UROS: variants seen among roughly 807,000 people sequenced by gnomAD.
The protein encoded by UROS is uroporphyrinogen-III synthase.
Under a neutral mutation model 33.0 loss-of-function variants are expected in UROS, and 18 were observed. The ratio of observed to expected loss-of-function variants is 0.55; its 90% CI spans 0.38 to 0.81. The LOEUF (loss-of-function observed/expected upper bound fraction) is 0.81. Among genes scored for constraint, UROS ranks in the 30% least tolerant of loss-of-function variants. UROS has a pLI of 0.00. For missense variants in UROS, 293 were observed against 314.9 expected, an observed-to-expected ratio of 0.93 and a Z score of 0.53; for synonymous variants, 114 against 121.1, an observed-to-expected ratio of 0.94 and a Z score of 0.38.
At chr10:125,793,119 C>T (rs747285397) in intron 9 of UROS, 9 of 152,218 alleles carry the variant, frequency 5.9e-5, no homozygotes, top group Non-Finnish European at 1.2e-4. Context: ...CGCACTCAGC[C>T]CCCAGCTGCC....
intron 3 of UROS, 24 bp downstream of exon 3, chr10:125,816,153 G>C (rs749789205): frequency 1.2e-6 from 2 of 1,602,386 alleles, no homozygotes; most frequent in Non-Finnish European, 1.7e-6. Context: ...CACTAACATG[G>C]TGCTCAGTCA....
At chr10:125,797,312 G>C (rs1418056298) in intron 7 of UROS, among the ~76,000 whole-genome samples, 3 of 152,182 alleles carry the variant, frequency 2.0e-5, no homozygotes, top group Non-Finnish European at 4.4e-5. Context: ...CATGCTACAT[G>C]ATCTCTGAAC....
intron 9 of UROS, chr10:125,793,062 G>A (rs1268607048): frequency 2.0e-5 from 3 of 152,272 alleles, no homozygotes; most frequent in African/African-American, 7.2e-5. Flanking sequence ...TCCTCAGAGT[G>A]TCTGGAGGGC....
At chr10:125,801,338 T>C (rs1163433712) in intron 6 of UROS, among the ~76,000 whole-genome samples, 1 of 152,242 alleles carries the variant, frequency 6.6e-6, no homozygotes, top group East Asian at 1.9e-4. Flanking sequence ...GTAATTACTT[T>C]CCCATTAGAG....
chr10:125,794,975 C>A lies in UROS; in HGVS notation c.565G>T (p.Val189Phe). ...CTAAAAAATGTGATGCTGGCTGGAA[C>A]CCCCTGTGGGGAACAGAAAACAAGA... ...NLNSYYSQQG[V>F]PASITFFSPS... The change falls in exon 9 of 10, where the codon GTT (valine) becomes TTT (phenylalanine). Residue 189 changes from valine (V) to phenylalanine (F), a missense_variant. Physicochemically the swap from Val to Phe is conservative, Grantham distance 50. Transcript: ENST00000368797. The A allele has an allele frequency of 6.2e-7, 1 of 1,613,840 alleles. No individual in the cohort carries two copies. The highest frequency in any genetic ancestry group is 8.5e-7 in the Non-Finnish European group (1 of 1,179,746).
At position 125,789,009 on chromosome 10, in the gene UROS, T is replaced by C; in HGVS notation, c.661-4A>G. The stretch of plus-strand genomic sequence containing the variant: ...TAGTGGGGCCGATGGCTGCAAACTA[T>C]AAAGACAGAAGAGAAAACAGGGCTT... On this transcript the variant is annotated splice_polypyrimidine_tract_variant and splice_region_variant and intron_variant, in intron 9 of 9. Transcript: ENST00000368797. 6.2e-7 allele frequency: 1 copy of C among 1,612,754 alleles called. No individual in the cohort carries two copies. Among genetic ancestry groups the C allele is most frequent in the Non-Finnish European group, 8.5e-7 (1 of 1,179,942 alleles).
intron 7 of UROS, chr10:125,796,878 A>C: frequency 1.0e-6 from 1 of 985,156 alleles, no homozygotes; most frequent in Admixed American, 6.1e-5. Context: ...ATAAAATGGG[A>C]AACTCTCTCA....
chr10:125,790,156 G>GCAGAGGCC, intron 9 of UROS, among the ~76,000 whole-genome samples: 1 of 152,282 alleles, frequency 6.6e-6, no homozygotes, highest in East Asian at 1.9e-4. Flanking sequence ...CCACTGTCCT[G>GCAGAGGCC]CAGAGGCCCC....
chr10:125,820,037 C>T (rs1281857802), intron 1 of UROS, among the ~76,000 whole-genome samples: 2 of 152,140 alleles, frequency 1.3e-5, no homozygotes, highest in African/African-American at 2.4e-5. Flanking sequence ...AACCTCAAAC[C>T]CGTACCTTCT....
intron 9 of UROS, chr10:125,792,512 T>C (rs970346392): frequency 6.6e-6 from 1 of 152,124 alleles, no homozygotes; most frequent in Non-Finnish European, 1.5e-5. Flanking sequence ...TGCAAGGGCA[T>C]TTTGCTGTAC....
At chr10:125,802,785 C>T in intron 6 of UROS, 10 of 1,432,578 alleles carry the variant, frequency 7.0e-6, no homozygotes, top group Admixed American at 2.8e-5. Flanking sequence ...GAACTCCCAG[C>T]GGTACAGACT....
At chr10:125,799,940 G>C (rs1851683576) in intron 6 of UROS, among the ~76,000 whole-genome samples, 1 of 152,142 alleles carries the variant, frequency 6.6e-6, no homozygotes. Context: ...GCCCCAACAG[G>C]CCAATGGGAT....
At chr10:125,790,213 A>T (rs1426816481) in intron 9 of UROS, among the ~76,000 whole-genome samples, 2 of 152,188 alleles carry the variant, frequency 1.3e-5, no homozygotes, top group Admixed American at 1.3e-4. Flanking sequence ...CCCATTGCTT[A>T]GGAAACTCCC....
downstream of UROS, among the ~76,000 whole-genome samples, chr10:125,788,274 T>C (rs1850689613): frequency 6.6e-6 from 1 of 152,188 alleles, no homozygotes; most frequent in Admixed American, 6.5e-5. Flanking sequence ...CATTTGCACA[T>C]GAACCTCTTC....
At chr10:125,803,015 A>G in intron 6 of UROS, 1 of 1,612,924 alleles carries the variant, frequency 6.2e-7, no homozygotes, top group Non-Finnish European at 8.5e-7. Flanking sequence ...GATTCCTTTG[A>G]CTTCTTCACC....
intron 5 of UROS, among the ~76,000 whole-genome samples, chr10:125,810,594 G>C (rs907379774): frequency 2.0e-5 from 3 of 152,126 alleles, no homozygotes; most frequent in African/African-American, 7.2e-5. Flanking sequence ...GTAAGTTTTG[G>C]GGTAATTTGG....
At position 125,823,118 on chromosome 10, in the gene UROS, G is replaced by A. The variant is rs1483941033; in HGVS notation, c.-116C>T. ...GCGCAGTCCCAGCGAAAAGGCTGCA[G>A]GAGCAATGACAACAGGGGCGGAAGC... On this transcript the variant is annotated 5_prime_UTR_variant, in exon 1 of 10. Coordinates refer to ENST00000368797, the MANE Select transcript of UROS (RefSeq NM_000375.3). 2 of 157,104 alleles carry A rather than the reference G, an allele frequency of 1.3e-5. No individual in the cohort carries two copies. The highest frequency in any genetic ancestry group is 2.4e-5 in the African/African-American group (1 of 41,584). The allele number at this position is 157,104 out of a possible 1,614,324, so 9.7% of individuals were successfully genotyped here.
chr10:125,815,234 C>G, intron 3 of UROS, 104 bp from the exon 4 acceptor site: 1 of 1,248,820 alleles, frequency 8.0e-7, no homozygotes, highest in Non-Finnish European at 1.1e-6. Flanking sequence ...TAGTAGTAGG[C>G]AAACTAATTC....
intron 6 of UROS, among the ~76,000 whole-genome samples, chr10:125,804,522 T>C (rs1455633750): frequency 6.6e-6 from 1 of 152,236 alleles, no homozygotes; most frequent in Admixed American, 6.5e-5. Context: ...TGAGAACTCC[T>C]GACTTGTAGC....
Sources: allele counts gnomAD v4.1 joint callset (sites outside exome capture counted in the v4.1 genomes callset), GRCh38; gene constraint gnomAD v4.1.1; transcripts MANE v1.5; gene names NCBI Gene and HGNC (gene_info 2026-07-23, HGNC 2026-07-21).